Variants in DACH1 observed in about 807,000 individuals in gnomAD.
DACH1 encodes the protein dachshund homolog 1.
In DACH1, 12 loss-of-function variants were observed where a neutral mutation model predicts 54.2. That is an observed-to-expected ratio of 0.22 (90% CI 0.14 to 0.36). The LOEUF (loss-of-function observed/expected upper bound fraction) is 0.36. Ranked by LOEUF, DACH1 falls within the 10% of genes least tolerant of loss-of-function variation. The probability of loss-of-function intolerance (pLI) is 1.00; values close to 1 mark genes in which losing one functional copy is unlikely to be tolerated. For missense variants in DACH1, 805 were observed against 929.8 expected, an observed-to-expected ratio of 0.87 and a Z score of 1.75; for synonymous variants, 386 against 366.2, an observed-to-expected ratio of 1.05 and a Z score of -0.62.
chr13:71,541,627 C>A (rs1163716952), intron 6 of DACH1, among the ~76,000 whole-genome samples: 1 of 151,974 alleles, frequency 6.6e-6, no homozygotes, highest in Non-Finnish European at 1.5e-5. Context: ...TGGCATTTTA[C>A]ATTTTTATTG....
chr13:71,633,388 T>C (rs1158783971), intron 2 of DACH1, among the ~76,000 whole-genome samples: 1 of 152,218 alleles, frequency 6.6e-6, no homozygotes, highest in Non-Finnish European at 1.5e-5. Flanking sequence ...CTCACTATAA[T>C]TTCTGCAGAG....
chr13:71,851,889 T>C lies in DACH1; in HGVS notation c.848+14033A>G, dbSNP rs115976621. ...CCCAGAGATTCTTAAAATTGTCTTG[T>C]GTATTTTCTTCAAAAGTTGATATGT... On this transcript the variant is annotated intron_variant, in intron 1 of 10. Coordinates refer to ENST00000613252, the MANE Select transcript of DACH1 (RefSeq NM_080759.6). Among the ~76,000 whole-genome samples, 1,381 of 152,266 alleles carry C rather than the reference T, an allele frequency of 9.1e-3. 21 individuals are homozygous for C. Among genetic ancestry groups the C allele is most frequent in the African/African-American group, 0.032 (1,335 of 41,542 alleles).
chr13:71,477,509 A>G (rs1877683053), intron 8 of DACH1, among the ~76,000 whole-genome samples: 1 of 152,058 alleles, frequency 6.6e-6, no homozygotes, highest in Non-Finnish European at 1.5e-5. Flanking sequence ...GTTTGTATCA[A>G]AATGTACACT....
Position 71,461,606 on chromosome 13 carries a change from T to C in DACH1, c.2083+13535A>G, listed in dbSNP as rs576684128. Among the ~76,000 whole-genome samples, 14 of 152,090 alleles carry C rather than the reference T, an allele frequency of 9.2e-5. 1 individual carries two copies. Among genetic ancestry groups the C allele is most frequent in the African/African-American group, 3.4e-4 (14 of 41,552 alleles). On this transcript the variant is annotated intron_variant, in intron 10 of 10. Coordinates refer to ENST00000613252, the MANE Select transcript of DACH1 (RefSeq NM_080759.6). ...TCCCATTGGGGTTGGCTGGCACTCA[T>C]TACTATCTATTGGGTTTAGAAGAGG...
intron 1 of DACH1, among the ~76,000 whole-genome samples, chr13:71,800,272 A>G (rs895824920): frequency 2.6e-5 from 4 of 152,124 alleles, no homozygotes; most frequent in African/African-American, 9.6e-5. Context: ...GAAGCTTCCA[A>G]TGGTTGCAAA....
At chr13:71,865,843 C>A in intron 1 of DACH1, 79 bp downstream of exon 1, 11 of 1,363,444 alleles carry the variant, frequency 8.1e-6, no homozygotes, top group Non-Finnish European at 9.4e-6. Context: ...GAGCGAGCGG[C>A]GCCGGGAAAG....
chr13:71,794,862 C>G (rs1452645574), intron 1 of DACH1, among the ~76,000 whole-genome samples: 1 of 152,166 alleles, frequency 6.6e-6, no homozygotes, highest in Non-Finnish European at 1.5e-5. Flanking sequence ...AAACAAAAAA[C>G]TAATGCCCTT....
At chr13:71,792,863 T>C (rs1304972913) in intron 1 of DACH1, among the ~76,000 whole-genome samples, 1 of 152,182 alleles carries the variant, frequency 6.6e-6, no homozygotes, top group African/African-American at 2.4e-5. Flanking sequence ...ACATTAATTT[T>C]ACCTGACTCT....
chr13:71,791,996 G>A (rs568523436), intron 1 of DACH1, among the ~76,000 whole-genome samples: 1 of 152,216 alleles, frequency 6.6e-6, no homozygotes, highest in African/African-American at 2.4e-5. Context: ...CACTCTAACT[G>A]TATCACTCAT....
intron 1 of DACH1, among the ~76,000 whole-genome samples, chr13:71,787,900 AC>A (rs1886673220): frequency 6.6e-6 from 1 of 152,178 alleles, no homozygotes. Context: ...ATGTCAATAA[AC>A]AAAAGATAAA....
At chr13:71,847,832 A>G (rs1873388295) in intron 1 of DACH1, among the ~76,000 whole-genome samples, 1 of 152,196 alleles carries the variant, frequency 6.6e-6, no homozygotes, top group East Asian at 1.9e-4. Context: ...AAGGAAGAAC[A>G]ATAGTATTCG....
At chr13:71,825,358 A>T (rs1488287120) in intron 1 of DACH1, among the ~76,000 whole-genome samples, 1 of 152,122 alleles carries the variant, frequency 6.6e-6, no homozygotes, top group Non-Finnish European at 1.5e-5. Flanking sequence ...TACAGTATGC[A>T]ATTCAATGAT....
intron 3 of DACH1, among the ~76,000 whole-genome samples, chr13:71,580,835 A>G (rs1395949347): frequency 3.3e-5 from 5 of 152,024 alleles, no homozygotes; most frequent in Non-Finnish European, 7.4e-5. Flanking sequence ...TTCATGTCCT[A>G]TTGATTTCAT....
chr13:71,615,911 C>G (rs1429419032), intron 3 of DACH1, among the ~76,000 whole-genome samples: 1 of 152,058 alleles, frequency 6.6e-6, no homozygotes, highest in Non-Finnish European at 1.5e-5. Flanking sequence ...TGCAGTGTAT[C>G]AAGCAGTGTT....
intron 6 of DACH1, among the ~76,000 whole-genome samples, chr13:71,503,830 T>C (rs1191731597): frequency 6.6e-6 from 1 of 152,210 alleles, no homozygotes; most frequent in Non-Finnish European, 1.5e-5. Flanking sequence ...CTTTTACCTA[T>C]TGAGATTTTA....
At chr13:71,845,865 C>A (rs17837291) in intron 1 of DACH1, 1 of 152,130 alleles carries the variant, frequency 6.6e-6, no homozygotes, top group Non-Finnish European at 1.5e-5. Flanking sequence ...ATCGGTACTG[C>A]TTGTTGTGTG....
chr13:71,826,250 C>T (rs141800908), intron 1 of DACH1, among the ~76,000 whole-genome samples: 104 of 152,132 alleles, frequency 6.8e-4, no homozygotes, highest in Middle Eastern at 3.4e-3. Context: ...TTTTGATAAG[C>T]ACTGAATTTT....
intron 1 of DACH1, among the ~76,000 whole-genome samples, chr13:71,771,980 C>A (rs904107705): frequency 6.6e-6 from 1 of 151,152 alleles, no homozygotes; most frequent in African/African-American, 2.4e-5. Flanking sequence ...AAGTTACTGG[C>A]AAGTTGATCT....
At chr13:71,636,757 A>G (rs1566396444) in intron 2 of DACH1, among the ~76,000 whole-genome samples, 1 of 151,924 alleles carries the variant, frequency 6.6e-6, no homozygotes, top group Admixed American at 6.6e-5. Flanking sequence ...TAAGTGGTGC[A>G]ATGTATTTAG....
Sources: gnomAD v4.1 joint callset for allele counts (sites outside exome capture counted in the v4.1 genomes callset) on GRCh38, gnomAD v4.1.1 for gene constraint, MANE v1.5 for transcripts, NCBI Gene and HGNC (gene_info 2026-07-23, HGNC 2026-07-21) for gene names.